The following ALDH5A1 variants were observed in gnomAD, a reference collection of about 807,000 sequenced individuals.
ALDH5A1 encodes succinate-semialdehyde dehydrogenase, mitochondrial.
ALDH5A1 carries 33 observed loss-of-function variants against 54.7 expected under a neutral mutation model. That is an observed-to-expected ratio of 0.60 (90% confidence interval 0.46 to 0.81). The LOEUF is 0.81. Among genes scored for constraint, ALDH5A1 ranks in the 30% least tolerant of loss-of-function variants. The pLI is 0.00. For missense variants in ALDH5A1, 657 were observed against 711.0 expected (o/e 0.92, Z 0.86); for synonymous variants, 294 against 292.7 (o/e 1.00, Z -0.05).
intron 1 of ALDH5A1, among the ~76,000 whole-genome samples, chr6:24,498,697 C>G (rs1236654100): frequency 6.6e-6 from 1 of 152,208 alleles, no homozygotes; most frequent in Non-Finnish European, 1.5e-5. Flanking sequence ...GGCACGGTGG[C>G]TAACGCCTGT....
At chr6:24,495,404 C>T in intron 1 of ALDH5A1, 54 bp downstream of exon 1, 1 of 1,499,536 alleles carries the variant, frequency 6.7e-7, no homozygotes. Flanking sequence ...CGGCGGGGAG[C>T]AGAGGGGGCT....
chr6:24,510,469 G>T (rs1263943230), intron 4 of ALDH5A1, among the ~76,000 whole-genome samples: 2 of 152,050 alleles, frequency 1.3e-5, no homozygotes, highest in Non-Finnish European at 2.9e-5. Context: ...AATCATTTTA[G>T]AAATTTGGGA....
chr6:24,526,972 GTGTATATATATA>G (rs1759821197), intron 7 of ALDH5A1, among the ~76,000 whole-genome samples: 1 of 8,346 alleles, frequency 1.2e-4, no homozygotes, highest in African/African-American at 2.4e-4. Flanking sequence ...ATATGTGTGT[GTGTATATATATA>G]TATATATATA....
intron 1 of ALDH5A1, among the ~76,000 whole-genome samples, chr6:24,500,859 A>G (rs1215798047): frequency 6.6e-6 from 1 of 152,094 alleles, no homozygotes; most frequent in Non-Finnish European, 1.5e-5. Flanking sequence ...GTCAGTTAGC[A>G]TGAGCAATAT....
chr6:24,508,436 C>T (rs994126202), intron 4 of ALDH5A1, among the ~76,000 whole-genome samples: 1 of 147,848 alleles, frequency 6.8e-6, no homozygotes, highest in African/African-American at 2.5e-5. Flanking sequence ...ACTGCAAATG[C>T]CATTAATTCA....
rs1760060324 is a variant in ALDH5A1, at chr6:24,536,850, A to G, written c.*3138A>G. ...ATTCTACTAAAGAGAGACAGCAGAA[A>G]TAAAGATCAGAAGCAAATGTGAGCA... On this transcript the variant is annotated 3_prime_UTR_variant, in exon 10 of 10. Coordinates refer to ENST00000357578, the MANE Select transcript of ALDH5A1 (RefSeq NM_001080.3). 1 of 152,692 alleles carries G rather than the reference A, an allele frequency of 6.5e-6. No homozygotes were observed. Among genetic ancestry groups the G allele is most frequent in the Non-Finnish European group, 1.5e-5 (1 of 68,044 alleles). 9.5% of individuals were successfully genotyped at this position (152,692 alleles called of 1,614,324 possible).
intron 4 of ALDH5A1, 48 bp from the exon 5 acceptor site, chr6:24,515,119 T>TAA: frequency 1.3e-6 from 2 of 1,534,886 alleles, no homozygotes; most frequent in Non-Finnish European, 1.8e-6. Context: ...TTTTTTTTTT[T>TAA]TTCAGTTTGG....
intron 4 of ALDH5A1, 125 bp from the exon 5 acceptor site, chr6:24,515,042 G>T: frequency 1.0e-6 from 1 of 968,398 alleles, no homozygotes; most frequent in East Asian, 2.6e-5. Context: ...TCTGTCCCCA[G>T]TGTCAGCTTA....
chr6:24,520,630 G>A, intron 6 of ALDH5A1, 86 bp downstream of exon 6: 1 of 1,547,198 alleles, frequency 6.5e-7, no homozygotes, highest in Non-Finnish European at 8.8e-7. Flanking sequence ...ATGTGTGCAT[G>A]TGAGTGTGTG....
chr6:24,523,771 A>G (rs576140015), intron 7 of ALDH5A1, among the ~76,000 whole-genome samples: 18 of 152,194 alleles, frequency 1.2e-4, no homozygotes, highest in Non-Finnish European at 2.4e-4. Context: ...TCATGAAAGT[A>G]TCCCAGCCGG....
chr6:24,523,638 T>G (rs1036365614), intron 7 of ALDH5A1, among the ~76,000 whole-genome samples: 3 of 152,160 alleles, frequency 2.0e-5, no homozygotes, highest in Non-Finnish European at 4.4e-5. Context: ...TCATTCATCT[T>G]TTGGAACACC....
chr6:24,528,074 A>G lies in ALDH5A1; in HGVS notation c.1251A>G (p.Lys417=). 6.2e-7 allele frequency: 1 copy of G among 1,614,184 alleles called. No homozygotes were observed. The highest frequency in any genetic ancestry group is 8.5e-7 in the Non-Finnish European group (1 of 1,180,028). The change falls in exon 8 of 10, where the codon AAA becomes AAG. Residue 417 remains lysine, a synonymous_variant. Coordinates refer to ENST00000357578, the MANE Select transcript of ALDH5A1 (RefSeq NM_001080.3). ...GTGGAAAACGACACCAACTTGGAAA[A>G]AATTTCTTTGAGCCTACCCTGCTGT... The part of the protein sequence containing the change: ...VTGGKRHQLG[K]NFFEPTLLCN...
chr6:24,499,596 G>C (rs950737351), intron 1 of ALDH5A1, among the ~76,000 whole-genome samples: 2 of 151,362 alleles, frequency 1.3e-5, no homozygotes, highest in Non-Finnish European at 2.9e-5. Flanking sequence ...AGGCCTAAGC[G>C]ATTCCCCCAC....
rs1200320074 is a variant in ALDH5A1 at position 24,537,086 on chromosome 6, G to C, written c.*3374G>C. The C allele has an allele frequency of 6.6e-6, 1 of 152,576 alleles. No individual in the cohort carries two copies. Among genetic ancestry groups the C allele is most frequent in the Non-Finnish European group, 1.5e-5 (1 of 68,020 alleles). 9.5% of individuals were successfully genotyped at this position (152,576 alleles called of 1,614,324 possible). ...TGTGGTAAGAAATTTATAAAGTTTTGCTTTTAAAACGTGGACATAACTCAT... is the reference window on the plus strand; with the variant it reads ...TGTGGTAAGAAATTTATAAAGTTTTCCTTTTAAAACGTGGACATAACTCAT... On this transcript the variant is annotated 3_prime_UTR_variant, in exon 10 of 10. Coordinates refer to ENST00000357578, the MANE Select transcript of ALDH5A1 (RefSeq NM_001080.3).
chr6:24,528,110 C>T lies in ALDH5A1; in HGVS notation c.1287C>T (p.Thr429=), dbSNP rs1354815346. Residue 429 remains threonine (T), a synonymous_variant, in exon 8 of 10, where the codon ACC becomes ACT. Coordinates refer to ENST00000357578, the MANE Select transcript of ALDH5A1 (RefSeq NM_001080.3). ...AGCCTACCCTGCTGTGCAATGTCAC[C>T]CAGGACATGCTGTGCACTCATGAAG... ...FFEPTLLCNV[T]QDMLCTHEET... is the part of the protein sequence containing the mutation. The T allele has an allele frequency of 1.2e-6, 2 of 1,614,044 alleles. No individual in the cohort carries two copies. The highest frequency in any genetic ancestry group is 1.7e-5 in the Admixed American group (1 of 60,010).
intron 3 of ALDH5A1, 104 bp from the exon 4 acceptor site, chr6:24,504,765 C>G (rs1686590374): frequency 8.7e-7 from 1 of 1,153,502 alleles, no homozygotes; most frequent in Non-Finnish European, 1.3e-6. Context: ...GTTTGTCAAT[C>G]AGTTGTGCAA....
chr6:24,503,081 T>C (rs1208140429), intron 2 of ALDH5A1, among the ~76,000 whole-genome samples, 182 bp from the exon 3 acceptor site: 1 of 152,198 alleles, frequency 6.6e-6, no homozygotes, highest in Non-Finnish European at 1.5e-5. Context: ...TTTAGGGTGA[T>C]ACATTCATCA....
At position 24,532,213 on chromosome 6, in the gene ALDH5A1, C is replaced by G. The variant is rs1386122781; in HGVS notation, c.1402+36C>G. The G allele has an allele frequency of 3.1e-6, 5 of 1,601,624 alleles. No homozygotes were observed. In the East Asian group the frequency reaches 1.1e-4, roughly 36 times the overall value. On this transcript the variant is annotated intron_variant, in intron 9 of 9. Transcript: ENST00000357578. The stretch of plus-strand genomic sequence containing the variant: ...GTCCTTGTTCAATACCAGTCATAAT[C>G]ATTTTTCTCCAGCTCATGCCAGATT...
At chr6:24,527,533 C>T (rs868375927) in intron 7 of ALDH5A1, among the ~76,000 whole-genome samples, 1 of 152,154 alleles carries the variant, frequency 6.6e-6, no homozygotes, top group Non-Finnish European at 1.5e-5. Flanking sequence ...GGTCATGCCA[C>T]TGCACTCCAG....
Sources: allele counts gnomAD v4.1 joint callset (sites outside exome capture counted in the v4.1 genomes callset), GRCh38; gene constraint gnomAD v4.1.1; transcripts MANE v1.5; gene names NCBI Gene and HGNC (gene_info 2026-07-23, HGNC 2026-07-21).